The following GET1 variants were observed in gnomAD, a reference collection of about 807,000 sequenced individuals.
The protein encoded by GET1 is guided entry of tail-anchored proteins factor 1.
A neutral mutation model predicts 22.6 loss-of-function variants in GET1; 20 were observed. That is an observed-to-expected ratio of 0.89 (90% CI 0.62 to 1.29). The LOEUF (loss-of-function observed/expected upper bound fraction) is 1.29, where lower values mean the gene tolerates loss of function less well. Ranked by LOEUF, GET1 falls within the 50% of genes most tolerant of loss-of-function variation. The pLI is 0.00. For synonymous variants in GET1, 92 were observed against 83.8 expected, an observed-to-expected ratio of 1.10 and a Z score of -0.53; for missense variants, 209 against 219.9, an observed-to-expected ratio of 0.95 and a Z score of 0.31.
chr21:39,419,891 A>G (rs764740045), intron 1 of GET1, among the ~76,000 whole-genome samples: 1 of 152,224 alleles, frequency 6.6e-6, no homozygotes, highest in Non-Finnish European at 1.5e-5. Flanking sequence ...AAAATATTTT[A>G]AAAATTCTTA....
Position 39,397,090 on chromosome 21 carries a change from AG to A in GET1, c.*152del, listed in dbSNP as rs2038705496. 6.1e-6 allele frequency: 5 copies of A among 821,270 alleles called. No individual in the cohort carries two copies. Among genetic ancestry groups the A allele is most frequent in the African/African-American group, 1.7e-5 (1 of 57,534 alleles). 50.9% of individuals were successfully genotyped at this position (821,270 alleles called of 1,614,324 possible). On this transcript the variant is annotated 3_prime_UTR_variant, in exon 5 of 5. Transcript: ENST00000649170. ...TATGTTTGTTCTTGGACTTTATGAG[AG>A]AGTCTTATAAGAATCACGATTTTCT...
chr21:39,410,279 T>G (rs1451091179), downstream of GET1: 12 of 1,605,446 alleles, frequency 7.5e-6, no homozygotes, highest in Non-Finnish European at 1.0e-5. Flanking sequence ...TTGTCAAAGG[T>G]GGAACATCTG....
intron 1 of GET1, chr21:39,414,317 A>G (rs939530304): frequency 2.0e-5 from 3 of 152,136 alleles, no homozygotes; most frequent in African/African-American, 7.2e-5. Flanking sequence ...TGGGTGTAAG[A>G]CGGGTGGCAG....
chr21:39,415,669 GGTTT>G (rs1244290770), intron 1 of GET1, among the ~76,000 whole-genome samples: 4 of 152,152 alleles, frequency 2.6e-5, no homozygotes, highest in African/African-American at 4.8e-5. Flanking sequence ...GTTTTTAAAA[GGTTT>G]GTTTGAATTA....
chr21:39,390,875 C>A lies in GET1; in HGVS notation c.268+12C>A, dbSNP rs759345152. The A allele has an allele frequency of 2.5e-6, 4 of 1,613,646 alleles. No individual in the cohort carries two copies. The South Asian group carries it at 4.4e-5, about 18-fold the overall frequency. On this transcript the variant is annotated intron_variant, in intron 2 of 4. Transcript: ENST00000649170. Reference sequence around the variant, plus strand: ...GCTCAAAACCCATGGTACTGTGTCCCTTGCAGCCTGGAGGCTTCATGAGAG... The same window carrying A: ...GCTCAAAACCCATGGTACTGTGTCCATTGCAGCCTGGAGGCTTCATGAGAG...
At chr21:39,426,917 G>A (rs2074811424) in intron 1 of GET1, among the ~76,000 whole-genome samples, 1 of 152,112 alleles carries the variant, frequency 6.6e-6, no homozygotes, top group South Asian at 2.1e-4. Context: ...AAAGGTACAG[G>A]GCCGTCTAGA....
chr21:39,392,075 GT>G, intron 3 of GET1: 1 of 493,540 alleles, frequency 2.0e-6, no homozygotes. Flanking sequence ...TGTGAAGTAA[GT>G]TCTCGGAGAG....
At position 39,380,368 on chromosome 21, in the gene GET1, A is replaced by G. The variant is rs769671909; in HGVS notation, c.-17A>G. 3 of 1,588,926 alleles carry G rather than the reference A, an allele frequency of 1.9e-6. No homozygotes were observed. Among genetic ancestry groups the G allele is most frequent in the East Asian group, 2.3e-5 (1 of 43,738 alleles). ...GGAGCTGCCGTAGCGGACCCAGCAC[A>G]GCCAGGAGCGTCCGGGATGAGCTCA... On this transcript the variant is annotated 5_prime_UTR_variant, in exon 1 of 5. Transcript: ENST00000649170.
intron 4 of GET1, among the ~76,000 whole-genome samples, chr21:39,404,584 T>G (rs2038942459): frequency 6.6e-6 from 1 of 151,868 alleles, no homozygotes; most frequent in East Asian, 2.0e-4. Context: ...TTTTAGTCTC[T>G]AATAAAAATA....
In GET1 at chr21:39,381,170, G is replaced by A. The variant is rs980157663; in HGVS notation, c.102+684G>A. Reference sequence around the variant, plus strand: ...ACCTAGTGACTGGAGGTGGAGATTTGATTGCCTTTTGGAGCAGGGATAGGG... The same window carrying A: ...ACCTAGTGACTGGAGGTGGAGATTTAATTGCCTTTTGGAGCAGGGATAGGG... On this transcript the variant is annotated intron_variant, in intron 1 of 4. Coordinates refer to ENST00000649170, the MANE Select transcript of GET1 (RefSeq NM_004627.6). 3.3e-5 allele frequency among the ~76,000 whole-genome samples: 5 copies of A among 152,148 alleles called. No homozygotes were observed. In the South Asian group the frequency reaches 1.0e-3, roughly 32 times the overall value.
At chr21:39,395,342 T>C (rs1435049030) in intron 4 of GET1, among the ~76,000 whole-genome samples, 3 of 151,032 alleles carry the variant, frequency 2.0e-5, no homozygotes, top group African/African-American at 7.3e-5. Context: ...ATGTTAGAGG[T>C]GAATACTGTA....
chr21:39,428,283 A>G lies in GET1; in HGVS notation c.*75A>G, dbSNP rs2075113886. ...GCCTTTTCTGAACAATCACAGAGAA[A>G]GTCTTCTGAATAATCATACTGAGAA... is the stretch of plus-strand genomic sequence containing the variant. On this transcript the variant is annotated 3_prime_UTR_variant, in exon 2 of 2. Coordinates refer to the GET1 transcript ENST00000478273. 4 of 1,610,734 alleles carry G rather than the reference A, an allele frequency of 2.5e-6. No individual in the cohort carries two copies. The highest frequency in any genetic ancestry group is 1.7e-5 in the Admixed American group (1 of 59,942).
chr21:39,425,055 G>T (rs2074427394), intron 1 of GET1, among the ~76,000 whole-genome samples: 1 of 152,242 alleles, frequency 6.6e-6, no homozygotes, highest in Non-Finnish European at 1.5e-5. Flanking sequence ...GTATATGTAT[G>T]TGTGCACCTG....
intron 4 of GET1, among the ~76,000 whole-genome samples, chr21:39,394,414 G>T (rs1429504271): frequency 6.6e-6 from 1 of 152,070 alleles, no homozygotes; most frequent in Non-Finnish European, 1.5e-5. Flanking sequence ...CATTTATTTT[G>T]ATATAGTTAA....
intron 1 of GET1, among the ~76,000 whole-genome samples, chr21:39,415,785 T>A (rs1163977730): frequency 1.3e-5 from 2 of 152,242 alleles, no homozygotes; most frequent in Non-Finnish European, 2.9e-5. Context: ...TCTGCTTTGC[T>A]ATTTAATCGT....
At chr21:39,400,562 A>G (rs2038814629), downstream of GET1, among the ~76,000 whole-genome samples, 1 of 152,182 alleles carries the variant, frequency 6.6e-6, no homozygotes, top group South Asian at 2.1e-4. Context: ...AACAACCGTC[A>G]GGAGAATTTT....
downstream of GET1, chr21:39,408,048 T>A (rs2039410792): frequency 1.3e-5 from 2 of 152,254 alleles, no homozygotes; most frequent in South Asian, 4.1e-4. Flanking sequence ...GGAACACATC[T>A]GATTTGCAGC....
chr21:39,412,837 C>G (rs948452204), intron 1 of GET1, among the ~76,000 whole-genome samples: 4 of 152,170 alleles, frequency 2.6e-5, no homozygotes, highest in African/African-American at 9.7e-5. Context: ...TGGTATTGCC[C>G]AAGTGTAAGT....
chr21:39,424,020 T>A (rs2074204556), intron 1 of GET1, among the ~76,000 whole-genome samples: 1 of 152,186 alleles, frequency 6.6e-6, no homozygotes, highest in African/African-American at 2.4e-5. Flanking sequence ...TGTTTATTTT[T>A]ATTTTTTTTT....
Sources: gnomAD v4.1 joint callset for allele counts (sites outside exome capture counted in the v4.1 genomes callset) on GRCh38, gnomAD v4.1.1 for gene constraint, MANE v1.5 for transcripts, NCBI Gene and HGNC (gene_info 2026-07-23, HGNC 2026-07-21) for gene names.